KIF15: variants seen among roughly 807,000 people sequenced by gnomAD.
The protein encoded by KIF15 is kinesin-like protein KIF15.
A neutral mutation model predicts 190.6 loss-of-function variants in KIF15; 140 were observed. The observed-to-expected ratio is 0.73, with a 90% CI of 0.64 to 0.84. The LOEUF is 0.84. Among genes scored for constraint, KIF15 ranks in the 40% least tolerant of loss-of-function variants. The probability of loss-of-function intolerance (pLI) is 0.00; values close to 1 mark genes in which losing one functional copy is unlikely to be tolerated. For missense variants in KIF15, 1,372 were observed against 1,584.4 expected (o/e 0.87, Z 2.28); for synonymous variants, 528 against 551.3 (o/e 0.96, Z 0.59).
chr3:44,858,441 G>A (rs984522509), intron 6 of KIF15, among the ~76,000 whole-genome samples: 2 of 152,196 alleles, frequency 1.3e-5, no homozygotes, highest in Non-Finnish European at 2.9e-5. Flanking sequence ...AGCAGGGTAA[G>A]GGTGATTAGG....
At position 44,848,516 on chromosome 3, in the gene KIF15, TA is replaced by T. The variant is rs758510854; in HGVS notation, c.3769-4del. On this transcript the variant is annotated splice_polypyrimidine_tract_variant and splice_region_variant and intron_variant, in intron 31 of 34. Coordinates refer to ENST00000326047, the MANE Select transcript of KIF15 (RefSeq NM_020242.3). ...TTTTATTTTCTTTTTTTAATCTTCT[TA>T]TAGAGTAAAATAGTTGAAGAAATGC... 9.0e-7 allele frequency: 1 copy of T among 1,114,154 alleles called. No homozygotes were observed. Among genetic ancestry groups the T allele is most frequent in the Non-Finnish European group, 1.3e-6 (1 of 758,332 alleles). 69.0% of individuals were successfully genotyped at this position (1,114,154 alleles called of 1,614,324 possible).
At chr3:44,797,698 C>T in intron 9 of KIF15, 22 bp downstream of exon 9, 1 of 1,612,022 alleles carries the variant, frequency 6.2e-7, no homozygotes, top group Non-Finnish European at 8.5e-7. Context: ...CCTTGGGTTC[C>T]TGGGCTCCTT....
intron 26 of KIF15, among the ~76,000 whole-genome samples, chr3:44,832,944 A>C (rs1698139507): frequency 6.9e-6 from 1 of 145,302 alleles, no homozygotes; most frequent in Admixed American, 7.0e-5. Flanking sequence ...CAGGAGGCAG[A>C]GGTTGCAGCA....
chr3:44,813,343 G>T (rs114634911), intron 19 of KIF15, 163 bp downstream of exon 19: 73 of 485,214 alleles, frequency 1.5e-4, no homozygotes, highest in Non-Finnish European at 1.8e-4. Context: ...GTAAGTAACA[G>T]TAATATATCA....
intron 26 of KIF15, among the ~76,000 whole-genome samples, chr3:44,836,546 A>T (rs1178755327): frequency 6.6e-6 from 1 of 152,160 alleles, no homozygotes; most frequent in African/African-American, 2.4e-5. Context: ...ATGACAAAGT[A>T]TTTTACCACC....
intron 28 of KIF15, 135 bp downstream of exon 28, chr3:44,840,591 C>T: frequency 2.0e-6 from 1 of 493,034 alleles, no homozygotes; most frequent in Non-Finnish European, 3.6e-6. Flanking sequence ...CTGCTTTTTA[C>T]TTGATGAAAG....
At chr3:44,782,109 G>C (rs370407798) in intron 5 of KIF15, among the ~76,000 whole-genome samples, 1 of 152,006 alleles carries the variant, frequency 6.6e-6, no homozygotes, top group South Asian at 2.1e-4. Context: ...GAGTGCAGTG[G>C]TACAATCTTG....
At chr3:44,787,070 T>G (rs58140347) in intron 7 of KIF15, among the ~76,000 whole-genome samples, 1,658 of 152,322 alleles carry the variant, frequency 0.011, 27 homozygotes, top group African/African-American at 0.037. Context: ...TATGAAGCAT[T>G]TGACACATAT....
rs558678739 is a variant in KIF15, at chr3:44,763,592, A to G, written c.19+1708A>G. Reference sequence around the variant, plus strand: ...TGGGATTACAGGCATGAGCCACCACACCCGGCCCCATGAAGGCTATCTCTA... The same window carrying G: ...TGGGATTACAGGCATGAGCCACCACGCCCGGCCCCATGAAGGCTATCTCTA... On this transcript the variant is annotated intron_variant, in intron 1 of 34. Transcript: ENST00000326047. Among the ~76,000 whole-genome samples the G allele has an allele frequency of 8.6e-5, 13 of 151,958 alleles. No homozygotes were observed. In the South Asian group the frequency reaches 1.7e-3, roughly 19 times the overall value.
At chr3:44,831,603 G>T (rs1317962530) in intron 26 of KIF15, among the ~76,000 whole-genome samples, 2 of 152,030 alleles carry the variant, frequency 1.3e-5, no homozygotes, top group African/African-American at 4.8e-5. Context: ...TTGTTTTTTT[G>T]ATGTAGATTT....
chr3:44,781,435 C>T (rs934788208), intron 5 of KIF15, among the ~76,000 whole-genome samples: 2 of 152,132 alleles, frequency 1.3e-5, no homozygotes, highest in African/African-American at 2.4e-5. Flanking sequence ...AATATATTAT[C>T]GTATGAATAT....
At chr3:44,857,305 GAAATTATGAGAACTGTAGA>G (rs891043858), downstream of KIF15, among the ~76,000 whole-genome samples, 1 of 152,202 alleles carries the variant, frequency 6.6e-6, no homozygotes, top group African/African-American at 2.4e-5. Context: ...ATAGATTTTG[GAAATTATGAGAACTGTAGA>G]AAGTGAGTTG....
intron 34 of KIF15, 28 bp downstream of exon 34, chr3:44,852,367 TTC>T (rs755352925): frequency 1.0e-5 from 16 of 1,581,714 alleles, no homozygotes; most frequent in South Asian, 5.7e-5. Context: ...TCTGAATAAA[TTC>T]TGTCTGGTTT....
intron 26 of KIF15, among the ~76,000 whole-genome samples, chr3:44,832,925 A>C (rs1211390829): frequency 6.6e-6 from 1 of 150,738 alleles, no homozygotes; most frequent in Non-Finnish European, 1.5e-5. Context: ...CAAGGCAGGA[A>C]AATGGTTGCA....
At chr3:44,805,636 GC>G in intron 15 of KIF15, among the ~76,000 whole-genome samples, 1 of 152,126 alleles carries the variant, frequency 6.6e-6, no homozygotes, top group East Asian at 1.9e-4. Context: ...TTGAATTTGA[GC>G]CCTACCATTT....
chr3:44,851,834 T>C lies in KIF15; in HGVS notation c.3854T>C (p.Leu1285Pro), dbSNP rs763038575. ...SALYNKEMEC[L>P]RMTDEVERTQ... ...CTTTACAACAAAGAGATGGAATGCCTTAGAATGACTGATGAAGTCGAACGA... is the reference window on the plus strand; with the variant it reads ...CTTTACAACAAAGAGATGGAATGCCCTAGAATGACTGATGAAGTCGAACGA... The change falls in exon 33 of 35, where the codon CTT becomes CCT. Residue 1285 changes from leucine (L) to proline (P), a missense_variant. Transcript: ENST00000326047. 3 of 1,614,016 alleles carry C rather than the reference T, an allele frequency of 1.9e-6. No homozygotes were observed. In the East Asian group the frequency reaches 6.7e-5, roughly 36 times the overall value.
rs930356958 is a variant in KIF15 at position 44,802,035 on chromosome 3, T to G, written c.1509+61T>G. 72 of 1,217,960 alleles carry G rather than the reference T, an allele frequency of 5.9e-5. No homozygotes were observed. The East Asian group carries it at 1.7e-3, about 30-fold the overall frequency. The allele number at this position is 1,217,960 out of a possible 1,614,324, so 75.4% of individuals were successfully genotyped here. ...AAAGAAGTTCAAAGCAAATCTAAGT[T>G]TGTCAGCAAGTACTTGTTCTTTAAT... On this transcript the variant is annotated intron_variant, in intron 13 of 34. Coordinates refer to ENST00000326047, the MANE Select transcript of KIF15 (RefSeq NM_020242.3).
At chr3:44,858,607 GGAA>G (rs1699210734) in intron 6 of KIF15, among the ~76,000 whole-genome samples, 1 of 152,112 alleles carries the variant, frequency 6.6e-6, no homozygotes, top group Non-Finnish European at 1.5e-5. Flanking sequence ...CTGTAGTCCA[GGAA>G]TAATCAGGGA....
intron 30 of KIF15, 99 bp downstream of exon 30, chr3:44,843,333 C>T: frequency 1.4e-6 from 1 of 714,570 alleles, no homozygotes; most frequent in Non-Finnish European, 2.4e-6. Context: ...CCAAGGTGTA[C>T]AATGTTTCCC....
Sources: gnomAD v4.1 joint callset for allele counts (sites outside exome capture counted in the v4.1 genomes callset) on GRCh38, gnomAD v4.1.1 for gene constraint, MANE v1.5 for transcripts, NCBI Gene and HGNC (gene_info 2026-07-23, HGNC 2026-07-21) for gene names.